SNX10: variants seen among roughly 807,000 people sequenced by gnomAD.
The protein encoded by SNX10 is sorting nexin-10.
SNX10 carries 25 observed loss-of-function variants against 28.5 expected under a neutral mutation model. That is an observed-to-expected ratio of 0.88 (90% CI 0.64 to 1.22). The LOEUF (loss-of-function observed/expected upper bound fraction) is 1.22, where lower values mean the gene tolerates loss of function less well. SNX10 is among the 50% of genes most tolerant of loss of function. SNX10 has a pLI of 0.00. For missense variants in SNX10, 223 were observed against 242.6 expected (o/e 0.92, Z 0.54); for synonymous variants, 62 against 81.4 (o/e 0.76, Z 1.28).
intron 5 of SNX10, among the ~76,000 whole-genome samples, chr7:26,371,038 T>C (rs992239263): frequency 5.3e-5 from 8 of 152,332 alleles, no homozygotes; most frequent in Non-Finnish European, 8.8e-5. Flanking sequence ...TCTGTAGATT[T>C]TGCTACAGGA....
Position 26,371,967 on chromosome 7 carries a change from A to G in SNX10, c.458A>G (p.Asn153Ser). ...EEAIHKFALMNRRFPEEDEEG... is the reference protein window; with the variant it reads ...EEAIHKFALMSRRFPEEDEEG... The stretch of plus-strand genomic sequence containing the variant: ...GCAATTCACAAGTTTGCCTTAATGA[A>G]TAGACGTTTCCCTGAAGAAGATGAA... Residue 153 changes from asparagine to serine, a missense_variant, in exon 6 of 7, where the codon AAT becomes AGT. Physicochemically the swap from Asn to Ser is conservative, Grantham distance 46. Coordinates refer to ENST00000338523, the MANE Select transcript of SNX10 (RefSeq NM_013322.3). 1.2e-6 allele frequency: 2 copies of G among 1,613,578 alleles called. No individual in the cohort carries two copies. Among genetic ancestry groups the G allele is most frequent in the Non-Finnish European group, 8.5e-7 (1 of 1,179,566 alleles).
chr7:26,373,080 T>G lies in SNX10; in HGVS notation c.*508T>G, dbSNP rs1164953837. On this transcript the variant is annotated 3_prime_UTR_variant, in exon 7 of 7. Coordinates refer to ENST00000338523, the MANE Select transcript of SNX10 (RefSeq NM_013322.3). This position sits in a 1 kb window ranked among gnomAD's most constrained non-coding sequence, Gnocchi z 4.2. ...CCCCTGCACTGGCAAAACACTATGC[T>G]TTTGGGTGTTAGACTGAAATATTTT... 1.3e-5 allele frequency: 2 copies of G among 152,404 alleles called. 1 individual carries two copies. The highest frequency in any genetic ancestry group is 3.8e-4 in the East Asian group (2 of 5,210). The allele number at this position is 152,404 out of a possible 1,614,324, so 9.4% of individuals were successfully genotyped here.
intron 1 of SNX10, among the ~76,000 whole-genome samples, chr7:26,301,579 T>G (rs1283434107): frequency 6.6e-6 from 1 of 152,196 alleles, no homozygotes; most frequent in Non-Finnish European, 1.5e-5. Context: ...TGACAAGGCT[T>G]TCTGACATGC....
chr7:26,319,336 TCTTC>T (rs1787223719), intron 1 of SNX10, among the ~76,000 whole-genome samples: 1 of 152,264 alleles, frequency 6.6e-6, no homozygotes, highest in Non-Finnish European at 1.5e-5. Flanking sequence ...CATTTTTACT[TCTTC>T]CTCATTCTTG....
chr7:26,364,226 A>G lies in SNX10; in HGVS notation c.112-309A>G. On this transcript the variant is annotated intron_variant, in intron 3 of 6. Transcript: ENST00000338523. This position sits in a 1 kb window ranked among gnomAD's most constrained non-coding sequence, Gnocchi z 4.9. ...ACCTGTCATTTATATGTTAGGATTT[A>G]TTTTTTATGATTTATTCTTGAAAGC... The G allele has an allele frequency of 3.2e-6, 2 of 619,864 alleles. No homozygotes were observed. The highest frequency in any genetic ancestry group is 1.4e-3 in the Middle Eastern group (2 of 1,392). The allele number at this position is 619,864 out of a possible 1,614,324, so 38.4% of individuals were successfully genotyped here.
intron 1 of SNX10, among the ~76,000 whole-genome samples, chr7:26,294,076 C>G (rs1304042913): frequency 5.9e-5 from 9 of 152,160 alleles, no homozygotes; most frequent in Admixed American, 5.2e-4. Context: ...GAAAGGCAGA[C>G]AACTGGTTGA....
At position 26,321,549 on chromosome 7, in the gene SNX10, C is replaced by G. The variant is rs549369501; in HGVS notation, c.-23-24871C>G. 8.5e-4 allele frequency among the ~76,000 whole-genome samples: 130 copies of G among 152,302 alleles called. 1 individual carries two copies. Among genetic ancestry groups the G allele is most frequent in the African/African-American group, 3.0e-3 (123 of 41,568 alleles). ...TGAGCCCTTCCCACTGAGCTCTTTC[C>G]TGGCCTGCCTGCCTTGGCCACGTGT... is the stretch of plus-strand genomic sequence containing the variant. On this transcript the variant is annotated intron_variant, in intron 1 of 6. Coordinates refer to ENST00000338523, the MANE Select transcript of SNX10 (RefSeq NM_013322.3).
intron 1 of SNX10, among the ~76,000 whole-genome samples, chr7:26,307,776 C>T (rs981231767): frequency 6.6e-6 from 1 of 152,022 alleles, no homozygotes; most frequent in Non-Finnish European, 1.5e-5. Flanking sequence ...TAACCCACCT[C>T]TCCCATTATC....
chr7:26,363,659 CTTAT>C (rs1227360073), intron 3 of SNX10, among the ~76,000 whole-genome samples: 1 of 152,164 alleles, frequency 6.6e-6, no homozygotes, highest in African/African-American at 2.4e-5. Context: ...TTACTCTCGT[CTTAT>C]GTTTACCCAA....
chr7:26,330,248 G>A (rs554627479), intron 1 of SNX10, among the ~76,000 whole-genome samples: 38 of 152,160 alleles, frequency 2.5e-4, no homozygotes, highest in East Asian at 9.7e-4. Context: ...TGGAGGGGTC[G>A]GCAAAGCCAC....
At chr7:26,363,300 A>C (rs189482391) in intron 3 of SNX10, among the ~76,000 whole-genome samples, 2 of 152,342 alleles carry the variant, frequency 1.3e-5, no homozygotes, top group East Asian at 3.9e-4. Context: ...AACTTTACAA[A>C]GCATAAGCAT....
intron 1 of SNX10, among the ~76,000 whole-genome samples, chr7:26,345,034 C>G (rs1182827019): frequency 6.6e-6 from 1 of 152,230 alleles, no homozygotes; most frequent in African/African-American, 2.4e-5. Context: ...TTCGTCTTCA[C>G]ATGTTCTTCT....
At chr7:26,293,540 G>GA (rs1247668864) in intron 1 of SNX10, among the ~76,000 whole-genome samples, 1 of 152,188 alleles carries the variant, frequency 6.6e-6, no homozygotes, top group Non-Finnish European at 1.5e-5. Context: ...GGGTAGACTT[G>GA]AGATTGACTG....
At chr7:26,330,252 A>G (rs943011219) in intron 1 of SNX10, among the ~76,000 whole-genome samples, 1 of 152,126 alleles carries the variant, frequency 6.6e-6, no homozygotes, top group Non-Finnish European at 1.5e-5. Flanking sequence ...GGGGTCGGCA[A>G]AGCCACAGGC....
In SNX10 at chr7:26,365,056, A is replaced by G. The variant is rs1408667402; in HGVS notation, c.222A>G (p.Pro74=). The change falls in exon 5 of 7, where the codon CCA becomes CCG. Residue 74 remains proline, a synonymous_variant. Transcript: ENST00000338523. ...LQSNALLVQL[P]ELPSKNLFFN... Reference sequence around the variant, plus strand: ...TTTTCTTTCTCCTAAGACAACTGCCAGAACTTCCATCTAAAAACCTGTTTT... The same window carrying G: ...TTTTCTTTCTCCTAAGACAACTGCCGGAACTTCCATCTAAAAACCTGTTTT... 6.2e-6 allele frequency: 10 copies of G among 1,603,644 alleles called. No homozygotes were observed. Among genetic ancestry groups the G allele is most frequent in the African/African-American group, 1.3e-5 (1 of 74,780 alleles).
chr7:26,345,918 T>C (rs952577599), intron 1 of SNX10, among the ~76,000 whole-genome samples: 70 of 152,136 alleles, frequency 4.6e-4, no homozygotes, highest in African/African-American at 1.7e-3. Flanking sequence ...GTCAAGGTCC[T>C]GGCTTTATCC....
intron 2 of SNX10, among the ~76,000 whole-genome samples, chr7:26,351,302 G>A (rs1290112805): frequency 6.6e-6 from 1 of 152,210 alleles, no homozygotes; most frequent in African/African-American, 2.4e-5. Flanking sequence ...CCTCAGCCAG[G>A]TGATCACTGT....
At chr7:26,360,815 C>T (rs1789034575) in intron 2 of SNX10, 160 bp from the exon 3 acceptor site, 1 of 1,444,196 alleles carries the variant, frequency 6.9e-7, no homozygotes, top group Admixed American at 3.1e-5. Context: ...GCTCGTGGTG[C>T]CTGATTCATT....
chr7:26,328,694 G>C lies in SNX10; in HGVS notation c.-23-17726G>C, dbSNP rs893148566. ...TGTGCCCCACCAAGAATATGCCACT[G>C]TCTGTGCACTTCAAGGCCAGCCCTT... is the stretch of plus-strand genomic sequence containing the variant. On this transcript the variant is annotated intron_variant, in intron 1 of 6. Coordinates refer to ENST00000338523, the MANE Select transcript of SNX10 (RefSeq NM_013322.3). Among the ~76,000 whole-genome samples, 16 of 152,258 alleles carry C rather than the reference G, an allele frequency of 1.1e-4. 1 individual carries two copies. The South Asian group carries it at 2.7e-3, about 26-fold the overall frequency.
Sources: allele counts gnomAD v4.1 joint callset (sites outside exome capture counted in the v4.1 genomes callset), GRCh38; gene constraint gnomAD v4.1.1; non-coding constraint Gnocchi (gnomAD v3.1); transcripts MANE v1.5; gene names NCBI Gene and HGNC (gene_info 2026-07-23, HGNC 2026-07-21).